The following EML4 variants were observed in gnomAD, a reference collection of about 807,000 sequenced individuals.
EML4 encodes the protein EMAP like 4, also known as echinoderm microtubule-associated protein-like 4.
EML4 carries 72 observed loss-of-function variants against 129.0 expected under a neutral mutation model. That is an observed-to-expected ratio of 0.56 (90% CI 0.46 to 0.68). The LOEUF (loss-of-function observed/expected upper bound fraction) is 0.68. Among genes scored for constraint, EML4 ranks in the 30% least tolerant of loss-of-function variants. EML4 has a pLI of 0.00. For missense variants in EML4, 1,363 were observed against 1,190.6 expected (o/e 1.14, Z -2.13); for synonymous variants, 532 against 405.0 (o/e 1.31, Z -3.77).
At chr2:42,203,640 C>CTT (rs3038374) in intron 1 of EML4, among the ~76,000 whole-genome samples, 12,181 of 141,318 alleles carry the variant, frequency 0.086, 1,736 homozygotes, top group African/African-American at 0.29. Flanking sequence ...ATAGCCACCC[C>CTT]TTTTTTTTTT....
intron 1 of EML4, among the ~76,000 whole-genome samples, chr2:42,226,426 GAGGCGGGCGGA>G (rs1673960741): frequency 8.5e-6 from 1 of 117,956 alleles, no homozygotes; most frequent in South Asian, 2.8e-4. Context: ...TTGGGAGGCC[GAGGCGGGCGGA>G]TCATGAGGTC....
At chr2:42,271,650 G>A (rs1435063054) in intron 6 of EML4, among the ~76,000 whole-genome samples, 2 of 152,166 alleles carry the variant, frequency 1.3e-5, no homozygotes, top group East Asian at 1.9e-4. Context: ...AATCTTATAC[G>A]TATTTATTGT....
intron 17 of EML4, among the ~76,000 whole-genome samples, chr2:42,305,247 T>A (rs1668527561): frequency 6.6e-6 from 1 of 151,910 alleles, no homozygotes; most frequent in African/African-American, 2.4e-5. Flanking sequence ...CTACAAAAAA[T>A]AAAAATAATA....
Position 42,219,809 on chromosome 2 carries a change from C to T in EML4, c.26-25696C>T, listed in dbSNP as rs534819748. Reference sequence around the variant, plus strand: ...GCGTAAGGGGCGCATGTCTGTAATCCCAGCTACTTGGGAGGCTGAGGCAGG... The same window carrying T: ...GCGTAAGGGGCGCATGTCTGTAATCTCAGCTACTTGGGAGGCTGAGGCAGG... On this transcript the variant is annotated intron_variant, in intron 1 of 22. Coordinates refer to ENST00000318522, the MANE Select transcript of EML4 (RefSeq NM_019063.5). 2.6e-5 allele frequency among the ~76,000 whole-genome samples: 4 copies of T among 151,840 alleles called. No individual in the cohort carries two copies. The East Asian group carries it at 5.8e-4, about 22-fold the overall frequency.
At chr2:42,169,757 T>A in intron 1 of EML4, 121 bp downstream of exon 1, 1 of 1,160,148 alleles carries the variant, frequency 8.6e-7, no homozygotes, top group Non-Finnish European at 1.2e-6. Context: ...CCACTGCACA[T>A]GTTCCCTTCG....
chr2:42,174,117 T>C (rs999103751), intron 1 of EML4, among the ~76,000 whole-genome samples: 2 of 152,214 alleles, frequency 1.3e-5, no homozygotes, highest in Admixed American at 6.5e-5. Context: ...AAATACTGTA[T>C]TTTGTATGTG....
rs559469882 is a variant in EML4, at chr2:42,297,774, C to G, written c.1489+2258C>G. ...CAAAATTTGAGTGTACTGTGACATC[C>G]TGTCTGATAAAAGGAGATTTTTTGG... On this transcript the variant is annotated intron_variant, in intron 13 of 22. Transcript: ENST00000318522. Among the ~76,000 whole-genome samples, 28 of 152,282 alleles carry G rather than the reference C, an allele frequency of 1.8e-4. 1 individual carries two copies. In the South Asian group the frequency reaches 5.8e-3, roughly 32 times the overall value.
intron 13 of EML4, among the ~76,000 whole-genome samples, chr2:42,296,615 C>T (rs888014349): frequency 6.6e-6 from 1 of 152,160 alleles, no homozygotes; most frequent in Non-Finnish European, 1.5e-5. Flanking sequence ...TAAGCTTTCC[C>T]TGGGCTAGCA....
At position 42,331,311 on chromosome 2, in the gene EML4, TAGC is replaced by T. The variant is rs1374963677; in HGVS notation, c.*1107_*1109del. On this transcript the variant is annotated 3_prime_UTR_variant, in exon 23 of 23. Coordinates refer to ENST00000318522, the MANE Select transcript of EML4 (RefSeq NM_019063.5). ...CAGCATACTTAACAGACTTGCTGTG[TAGC>T]AGTTTTTTTCTGGTGGAGTTGCTGT... 5 of 223,680 alleles carry T rather than the reference TAGC, an allele frequency of 2.2e-5. No homozygotes were observed. In the Admixed American group the frequency reaches 2.3e-4, roughly 10 times the overall value. 13.9% of individuals were successfully genotyped at this position (223,680 alleles called of 1,614,324 possible). A position where few individuals can be genotyped will look rare whatever the true frequency, so the allele number is the denominator to read the frequency against.
chr2:42,250,693 C>T (rs936371311), intron 2 of EML4, among the ~76,000 whole-genome samples: 1 of 151,720 alleles, frequency 6.6e-6, no homozygotes, highest in African/African-American at 2.4e-5. Context: ...ACTTTTTTGG[C>T]ACTAGGGACT....
rs1339037586 is a variant in EML4, at chr2:42,245,500, T to G, written c.26-5T>G. On this transcript the variant is annotated splice_region_variant and splice_polypyrimidine_tract_variant and intron_variant, in intron 1 of 22. Coordinates refer to ENST00000318522, the MANE Select transcript of EML4 (RefSeq NM_019063.5). ...AAATATTCCATATTTTATTTTATTTTATAGATGATAGTATTTCTGCTGCAA... is the reference window on the plus strand; with the variant it reads ...AAATATTCCATATTTTATTTTATTTGATAGATGATAGTATTTCTGCTGCAA... 6.3e-7 allele frequency: 1 copy of G among 1,594,062 alleles called. No homozygotes were observed. The highest frequency in any genetic ancestry group is 8.6e-7 in the Non-Finnish European group (1 of 1,167,932).
At position 42,200,652 on chromosome 2, in the gene EML4, A is replaced by G. The variant is rs577101062; in HGVS notation, c.25+31016A>G. Among the ~76,000 whole-genome samples the G allele has an allele frequency of 3.9e-5, 6 of 152,348 alleles. No homozygotes were observed. The East Asian group carries it at 1.2e-3, about 29-fold the overall frequency. ...TCAGACTTACAGACTTTCTTTGTAGAGACAGTAATCCTCAAGTTCAGCAGT... is the reference window on the plus strand; with the variant it reads ...TCAGACTTACAGACTTTCTTTGTAGGGACAGTAATCCTCAAGTTCAGCAGT... On this transcript the variant is annotated intron_variant, in intron 1 of 22. Coordinates refer to ENST00000318522, the MANE Select transcript of EML4 (RefSeq NM_019063.5).
intron 16 of EML4, among the ~76,000 whole-genome samples, chr2:42,303,690 C>T (rs889449602): frequency 6.6e-6 from 1 of 152,182 alleles, no homozygotes; most frequent in African/African-American, 2.4e-5. Flanking sequence ...CTTTGGGAGG[C>T]CCAGGCAGGC....
At chr2:42,302,163 T>C (rs559112514) in intron 14 of EML4, among the ~76,000 whole-genome samples, 2 of 152,232 alleles carry the variant, frequency 1.3e-5, no homozygotes, top group Admixed American at 1.3e-4. Context: ...TTATAATACT[T>C]TATAATATAT....
At chr2:42,245,321 C>G (rs1047532816) in intron 1 of EML4, among the ~76,000 whole-genome samples, 184 bp from the exon 2 acceptor site, 1 of 151,466 alleles carries the variant, frequency 6.6e-6, no homozygotes, top group Non-Finnish European at 1.5e-5. Context: ...GTCTCCAACT[C>G]CTGACCTCAG....
At chr2:42,260,971 G>T in intron 3 of EML4, 150 bp from the exon 4 acceptor site, 1 of 559,024 alleles carries the variant, frequency 1.8e-6, no homozygotes, top group Non-Finnish European at 3.0e-6. Flanking sequence ...AATTTTCAAA[G>T]AAATATTGTC....
At chr2:42,191,694 A>G (rs1558488077) in intron 1 of EML4, among the ~76,000 whole-genome samples, 2 of 152,272 alleles carry the variant, frequency 1.3e-5, no homozygotes, top group South Asian at 2.1e-4. Flanking sequence ...TCATTTACCT[A>G]TTTGTATTAT....
At chr2:42,286,203 C>T (rs777177720) in intron 9 of EML4, 66 bp from the exon 10 acceptor site, 1 of 888,410 alleles carries the variant, frequency 1.1e-6, no homozygotes, top group Non-Finnish European at 1.9e-6. Context: ...GGCATTAGTT[C>T]TGTGTGCTAT....
At chr2:42,228,791 C>G (rs1264584086) in intron 1 of EML4, among the ~76,000 whole-genome samples, 1 of 152,120 alleles carries the variant, frequency 6.6e-6, no homozygotes, top group East Asian at 1.9e-4. Context: ...ACCTTCTTCT[C>G]TCCCCCACAA....
Sources: gnomAD v4.1 joint callset for allele counts (sites outside exome capture counted in the v4.1 genomes callset) on GRCh38, gnomAD v4.1.1 for gene constraint, MANE v1.5 for transcripts, NCBI Gene and HGNC (gene_info 2026-07-23, HGNC 2026-07-21) for gene names.